SPAG17: variants seen among roughly 807,000 people sequenced by gnomAD.
SPAG17 encodes sperm-associated antigen 17.
Under a neutral mutation model 273.6 loss-of-function variants are expected in SPAG17, and 169 were observed. The observed-to-expected ratio is 0.62, with a 90% confidence interval of 0.55 to 0.70. The LOEUF (loss-of-function observed/expected upper bound fraction) is 0.70. SPAG17 is among the 30% of genes least tolerant of loss of function. SPAG17 has a pLI of 0.00. For missense variants in SPAG17, 2,557 were observed against 2,627.8 expected (o/e 0.97, Z 0.59); for synonymous variants, 825 against 873.2 (o/e 0.94, Z 0.97).
At chr1:117,978,240 C>T (rs543124319) in intron 43 of SPAG17, among the ~76,000 whole-genome samples, 2 of 152,320 alleles carry the variant, frequency 1.3e-5, no homozygotes, top group East Asian at 3.9e-4. Flanking sequence ...ATATCCACTC[C>T]TTTGCAATCA....
chr1:118,048,341 C>T (rs920909377), intron 20 of SPAG17, among the ~76,000 whole-genome samples: 8 of 151,956 alleles, frequency 5.3e-5, no homozygotes, highest in Admixed American at 3.3e-4. Flanking sequence ...CTGGCTGCTG[C>T]GGATTCAGGA....
intron 1 of SPAG17, among the ~76,000 whole-genome samples, chr1:118,165,819 A>AT (rs1660147700): frequency 6.6e-6 from 1 of 151,676 alleles, no homozygotes; most frequent in African/African-American, 2.4e-5. Flanking sequence ...CTAATTTTGT[A>AT]TTTTTTGTAG....
rs1408202122 is a variant in SPAG17, at chr1:117,970,119, A to G, written c.6327-3T>C. On this transcript the variant is annotated splice_region_variant and splice_polypyrimidine_tract_variant and intron_variant, in intron 45 of 48. Coordinates refer to ENST00000336338, the MANE Select transcript of SPAG17 (RefSeq NM_206996.4). ...GTGGGGGCTGCTTTACTTTAAACCT[A>G]CAAGGCAGAAAGATAAAAATAAATT... is the stretch of plus-strand genomic sequence containing the variant. 5.0e-6 allele frequency: 8 copies of G among 1,610,260 alleles called. No individual in the cohort carries two copies. The East Asian group carries it at 1.8e-4, about 36-fold the overall frequency.
At chr1:118,055,712 T>TAA (rs773027350) in intron 19 of SPAG17, 21 bp downstream of exon 19, 3 of 1,550,380 alleles carry the variant, frequency 1.9e-6, no homozygotes, top group Non-Finnish European at 2.7e-6. Context: ...ATTCTACGTA[T>TAA]AAGTTGAACT....
chr1:118,018,141 G>T (rs763770406), intron 28 of SPAG17, among the ~76,000 whole-genome samples: 8 of 152,198 alleles, frequency 5.3e-5, no homozygotes, highest in Non-Finnish European at 1.2e-4. Flanking sequence ...GTGTGATTCT[G>T]AGTATTTGTT....
chr1:118,026,183 C>T (rs1274351817), intron 26 of SPAG17, among the ~76,000 whole-genome samples: 2 of 152,128 alleles, frequency 1.3e-5, no homozygotes, highest in African/African-American at 2.4e-5. Flanking sequence ...TCAAAGTTAA[C>T]GTTAAAATAA....
intron 3 of SPAG17, among the ~76,000 whole-genome samples, chr1:118,130,198 G>A (rs77955696): frequency 1.2e-3 from 181 of 152,186 alleles, no homozygotes; most frequent in Middle Eastern, 3.4e-3. Flanking sequence ...AGCCCTTAAT[G>A]AGCAGATGGA....
intron 20 of SPAG17, 52 bp from the exon 21 acceptor site, chr1:118,042,094 G>C (rs746827049): frequency 2.4e-5 from 38 of 1,568,888 alleles, no homozygotes; most frequent in Admixed American, 1.4e-4. Flanking sequence ...ATTAAACATA[G>C]GTTCCATTCA....
rs1028797660 is a variant in SPAG17 at position 118,066,836 on chromosome 1, A to C, written c.2449T>G (p.Ser817Ala). Residue 817 changes from serine (S) to alanine (A), a missense_variant, in exon 18 of 49, where the codon TCT (serine) becomes GCT (alanine). Physicochemically the swap from Ser to Ala is moderately conservative, Grantham distance 99 (BLOSUM62 1). Transcript: ENST00000336338. ...GGATTGTGAAAGACTAAAAGTAAAG[A>C]GTTGTCTTGGGTGTGGTAGTAAGAA... ...VDSYYHTQDN[S>A]LLLVFHNPMN... 9 of 1,613,926 alleles carry C rather than the reference A, an allele frequency of 5.6e-6. No homozygotes were observed. Among genetic ancestry groups the C allele is most frequent in the Non-Finnish European group, 7.6e-6 (9 of 1,179,858 alleles).
intron 3 of SPAG17, among the ~76,000 whole-genome samples, chr1:118,127,458 A>G (rs1311216824): frequency 1.3e-5 from 2 of 152,072 alleles, no homozygotes; most frequent in African/African-American, 4.8e-5. Flanking sequence ...AAACCACCCG[A>G]TCTCATGTGA....
intron 20 of SPAG17, among the ~76,000 whole-genome samples, chr1:118,050,093 T>C (rs1353827370): frequency 6.6e-6 from 1 of 152,144 alleles, no homozygotes; most frequent in Non-Finnish European, 1.5e-5. Context: ...CAAGTAAGCA[T>C]GTGTACAACT....
In SPAG17 at chr1:118,040,786, T is replaced by C. The variant is rs759605844; in HGVS notation, c.3110A>G (p.Tyr1037Cys). 3 of 1,605,150 alleles carry C rather than the reference T, an allele frequency of 1.9e-6. No homozygotes were observed. In the South Asian group the frequency reaches 3.3e-5, roughly 18 times the overall value. Residue 1037 changes from tyrosine (Y) to cysteine (C), a missense_variant, in exon 22 of 49, where the codon TAC (tyrosine) becomes TGC (cysteine). Transcript: ENST00000336338. ...IPTQISGSNY[Y>C]LYPSDGGQIE... ...CTGCCCCCCATCAGAAGGATACAGG[T>C]AGTAATTTGACCCTGAGATTTGAGT...
intron 1 of SPAG17, among the ~76,000 whole-genome samples, chr1:118,181,729 G>A (rs1056402099): frequency 9.9e-5 from 15 of 152,218 alleles, no homozygotes; most frequent in Admixed American, 6.5e-4. Flanking sequence ...AATAAAAAGT[G>A]CTGGCACAGA....
At chr1:118,062,366 CAAAAA>C (rs56029752) in intron 18 of SPAG17, among the ~76,000 whole-genome samples, 1 of 46,430 alleles carries the variant, frequency 2.2e-5, no homozygotes, top group Non-Finnish European at 3.6e-5. Context: ...GACTCCATCT[CAAAAA>C]AAAAAAAAAA....
intron 12 of SPAG17, 98 bp downstream of exon 12, chr1:118,086,573 A>T: frequency 1.0e-6 from 1 of 973,512 alleles, no homozygotes; most frequent in Non-Finnish European, 1.6e-6. Flanking sequence ...CATTTTAATT[A>T]GTGTTGATGA....
chr1:118,172,591 T>A (rs1305323210), intron 1 of SPAG17, among the ~76,000 whole-genome samples: 1 of 152,180 alleles, frequency 6.6e-6, no homozygotes, highest in Non-Finnish European at 1.5e-5. Flanking sequence ...TGATTAAAAT[T>A]GACAAAACTC....
chr1:118,175,013 AG>A (rs1660621125), intron 1 of SPAG17, among the ~76,000 whole-genome samples: 1 of 108,428 alleles, frequency 9.2e-6, no homozygotes, highest in Non-Finnish European at 1.9e-5. Flanking sequence ...TCTGGGTGGA[AG>A]GGGACTCTTA....
intron 32 of SPAG17, among the ~76,000 whole-genome samples, chr1:118,005,113 T>C (rs779336671): frequency 1.7e-4 from 26 of 152,240 alleles, no homozygotes; most frequent in Non-Finnish European, 2.9e-4. Context: ...TGCCACATCA[T>C]TCTTTATGTT....
intron 10 of SPAG17, among the ~76,000 whole-genome samples, chr1:118,090,615 G>A (rs962697671): frequency 2.0e-5 from 3 of 152,150 alleles, no homozygotes; most frequent in African/African-American, 7.2e-5. Context: ...CAGACACGGT[G>A]GTTCATGATT....
Sources: allele counts gnomAD v4.1 joint callset (sites outside exome capture counted in the v4.1 genomes callset), GRCh38; gene constraint gnomAD v4.1.1; transcripts MANE v1.5; gene names NCBI Gene and HGNC (gene_info 2026-07-23, HGNC 2026-07-21).